APBB2: variants seen among roughly 807,000 people sequenced by gnomAD.
The protein encoded by APBB2 is Fe65-like 1.
In APBB2, 38 loss-of-function variants were observed where a neutral mutation model predicts 82.5. The observed-to-expected ratio is 0.46, with a 90% CI of 0.36 to 0.60. The LOEUF (loss-of-function observed/expected upper bound fraction) is 0.60, where lower values mean the gene tolerates loss of function less well. Among genes scored for constraint, APBB2 ranks in the 20% least tolerant of loss-of-function variants. The pLI is 0.00. For synonymous variants in APBB2, 341 were observed against 368.2 expected (o/e 0.93, Z 0.85); for missense variants, 772 against 972.3 (o/e 0.79, Z 2.74).
intron 1 of APBB2, among the ~76,000 whole-genome samples, chr4:41,177,201 C>T (rs1770060977): frequency 6.6e-6 from 1 of 152,026 alleles, no homozygotes; most frequent in African/African-American, 2.4e-5. Flanking sequence ...ACTTTTCTGC[C>T]CTAGAACTAA....
At position 40,832,148 on chromosome 4, in the gene APBB2, G is replaced by A. The variant is rs1460720106; in HGVS notation, c.1530-1571C>T. ...ACTGTCTGGAGATATAACTACAGAG[G>A]AATTTTTAAATTATTTCTCTTAAGG... On this transcript the variant is annotated intron_variant, in intron 12 of 17. Coordinates refer to ENST00000508593, the MANE Select transcript of APBB2 (RefSeq NM_004307.2). This position sits in a 1 kb window ranked among gnomAD's most constrained non-coding sequence, Gnocchi z 4.8. 2.6e-5 allele frequency among the ~76,000 whole-genome samples: 4 copies of A among 151,874 alleles called. No homozygotes were observed. Among genetic ancestry groups the A allele is most frequent in the African/African-American group, 9.7e-5 (4 of 41,312 alleles).
chr4:40,834,533 GGA>G (rs35357083), intron 12 of APBB2, among the ~76,000 whole-genome samples: 27,838 of 152,084 alleles, frequency 0.18, 2,664 homozygotes, highest in African/African-American at 0.22. Context: ...GGCTGCTGCG[GGA>G]GAGTCATGAT....
intron 6 of APBB2, among the ~76,000 whole-genome samples, chr4:40,950,758 AC>A (rs1334020045): frequency 6.6e-6 from 1 of 152,046 alleles, no homozygotes; most frequent in Non-Finnish European, 1.5e-5. Context: ...CAGGAGAATC[AC>A]TTGAACCCAG....
rs569305308 is a variant in APBB2, at chr4:40,983,280, A to G, written c.835+30303T>C. On this transcript the variant is annotated intron_variant, in intron 6 of 17. Coordinates refer to ENST00000508593, the MANE Select transcript of APBB2 (RefSeq NM_004307.2). ...TGTGCTCTTAACCATCACACTATTC[A>G]TTCTCCCTTCAGAACAGACACCAGA... Among the ~76,000 whole-genome samples the G allele has an allele frequency of 5.0e-4, 76 of 152,322 alleles. 1 individual carries two copies. Among genetic ancestry groups the G allele is most frequent in the Admixed American group, 9.8e-4 (15 of 15,308 alleles).
chr4:41,004,101 TAG>T (rs747225279), intron 6 of APBB2, among the ~76,000 whole-genome samples: 3 of 152,036 alleles, frequency 2.0e-5, no homozygotes, highest in Non-Finnish European at 4.4e-5. Flanking sequence ...TTATTTTCAG[TAG>T]ACACAGGGTT....
intron 7 of APBB2, 134 bp from the exon 8 acceptor site, chr4:40,935,273 C>G: frequency 4.7e-6 from 3 of 642,082 alleles, no homozygotes; most frequent in East Asian, 2.8e-5. Flanking sequence ...CAAGTTAACT[C>G]TAACAGCAAC....
chr4:40,950,237 C>A (rs887825238), intron 6 of APBB2, among the ~76,000 whole-genome samples: 1 of 152,108 alleles, frequency 6.6e-6, no homozygotes, highest in African/African-American at 2.4e-5. Flanking sequence ...TACTACTGCT[C>A]GTAGAAGGGT....
chr4:40,821,954 C>T lies in APBB2; in HGVS notation c.2029G>A (p.Gly677Arg). ...ACGTGGCACTCAAAGCGCTGGTTCC[C>T]CGTGTCCATGATGAAGGCAAATGTG... ...VHTFAFIMDTGNQRFECHVFW... is the reference protein window; with the variant it reads ...VHTFAFIMDTRNQRFECHVFW... Residue 677 changes from glycine to arginine, a missense_variant, in exon 17 of 18, where the codon GGG becomes AGG. Transcript: ENST00000508593. The T allele has an allele frequency of 6.2e-7, 1 of 1,614,156 alleles. No individual in the cohort carries two copies. The highest frequency in any genetic ancestry group is 1.1e-5 in the South Asian group (1 of 91,086).
In APBB2 at chr4:40,815,645, T is replaced by C. The variant is rs1745397448; in HGVS notation, c.*447A>G. On this transcript the variant is annotated 3_prime_UTR_variant, in exon 18 of 18. Transcript: ENST00000508593. ...TACAGCAATTCAATGGTATCTGCTATGCAGTGCCTACTCCAATGTTGAAAA... is the reference window on the plus strand; with the variant it reads ...TACAGCAATTCAATGGTATCTGCTACGCAGTGCCTACTCCAATGTTGAAAA... 1 of 162,404 alleles carries C rather than the reference T, an allele frequency of 6.2e-6. No homozygotes were observed. Among genetic ancestry groups the C allele is most frequent in the African/African-American group, 2.4e-5 (1 of 41,770 alleles). 10.1% of individuals were successfully genotyped at this position (162,404 alleles called of 1,614,324 possible). A position where few individuals can be genotyped will look rare whatever the true frequency, so the allele number is the denominator to read the frequency against.
intron 12 of APBB2, among the ~76,000 whole-genome samples, chr4:40,865,006 G>C (rs1763718039): frequency 1.3e-5 from 2 of 151,940 alleles, no homozygotes; most frequent in African/African-American, 4.8e-5. Flanking sequence ...TTACAGGCAT[G>C]TGCCACCATG....
intron 12 of APBB2, among the ~76,000 whole-genome samples, chr4:40,851,734 ATATATTTT>A (rs1160132483): frequency 1.5e-4 from 9 of 61,038 alleles, no homozygotes; most frequent in South Asian, 7.2e-4. Context: ...ATATATATAT[ATATATTTT>A]TTTTTTTTTT....
intron 2 of APBB2, among the ~76,000 whole-genome samples, chr4:41,106,418 G>T (rs2153975557): frequency 6.6e-6 from 1 of 152,098 alleles, no homozygotes; most frequent in Non-Finnish European, 1.5e-5. Flanking sequence ...ATGGGTGGAT[G>T]AACTTAAATG....
intron 1 of APBB2, among the ~76,000 whole-genome samples, chr4:41,155,923 T>C (rs1763334844): frequency 6.6e-6 from 1 of 152,262 alleles, no homozygotes; most frequent in African/African-American, 2.4e-5. Flanking sequence ...CATAATGAAT[T>C]TGGTCGTATC....
chr4:41,034,845 A>G (rs1718524929), intron 4 of APBB2, among the ~76,000 whole-genome samples: 1 of 152,264 alleles, frequency 6.6e-6, no homozygotes. Context: ...ATAATACATA[A>G]TAAGGAAAAC....
At chr4:40,908,428 T>C (rs948130729) in intron 10 of APBB2, among the ~76,000 whole-genome samples, 1 of 152,148 alleles carries the variant, frequency 6.6e-6, no homozygotes, top group African/African-American at 2.4e-5. Flanking sequence ...CACATTCCTG[T>C]CACCGCGCCT....
chr4:41,193,502 C>T, intron 1 of APBB2: 2 of 934,892 alleles, frequency 2.1e-6, no homozygotes, highest in Non-Finnish European at 2.6e-6. Context: ...CTCAGTCCTA[C>T]CCCTAGACCA....
intron 12 of APBB2, among the ~76,000 whole-genome samples, chr4:40,863,153 T>A (rs932273650): frequency 1.3e-5 from 2 of 152,340 alleles, no homozygotes; most frequent in Non-Finnish European, 1.5e-5. Context: ...CATGCTTTAC[T>A]TGTTTTTGTA....
intron 5 of APBB2, among the ~76,000 whole-genome samples, chr4:41,018,436 G>A: frequency 6.6e-6 from 1 of 152,174 alleles, no homozygotes; most frequent in South Asian, 2.1e-4. Flanking sequence ...TTATCATCAA[G>A]GGAGCCTGAA....
At chr4:40,910,353 T>C (rs1234759005) in intron 10 of APBB2, among the ~76,000 whole-genome samples, 2 of 152,012 alleles carry the variant, frequency 1.3e-5, no homozygotes, top group Non-Finnish European at 2.9e-5. Context: ...TCCTCCAACC[T>C]CAGCCTCCCG....
Sources: allele counts gnomAD v4.1 joint callset (sites outside exome capture counted in the v4.1 genomes callset), GRCh38; gene constraint gnomAD v4.1.1; non-coding constraint Gnocchi (gnomAD v3.1); transcripts MANE v1.5; gene names NCBI Gene and HGNC (gene_info 2026-07-23, HGNC 2026-07-21).